The following SOX6 variants were observed in gnomAD, a reference collection of about 807,000 sequenced individuals.
SOX6 encodes the protein SRY-box transcription factor 6.
In SOX6, 11 loss-of-function variants were observed where a neutral mutation model predicts 97.8. The ratio of observed to expected loss-of-function variants is 0.11; its 90% confidence interval spans 0.07 to 0.19. The LOEUF (loss-of-function observed/expected upper bound fraction) is 0.19, where lower values mean the gene tolerates loss of function less well. Ranked by LOEUF, SOX6 falls within the 10% of genes least tolerant of loss-of-function variation. SOX6 has a pLI of 1.00. For missense variants in SOX6, 810 were observed against 1,039.5 expected (o/e 0.78, Z 3.04); for synonymous variants, 360 against 371.4 (o/e 0.97, Z 0.35).
At chr11:16,041,067 G>T (rs1329085394) in intron 12 of SOX6, among the ~76,000 whole-genome samples, 1 of 152,026 alleles carries the variant, frequency 6.6e-6, no homozygotes, top group Non-Finnish European at 1.5e-5. Context: ...TTGAGAATAG[G>T]TTGACATAGA....
At chr11:16,387,772 A>G (rs1254249902) in intron 1 of SOX6, among the ~76,000 whole-genome samples, 1 of 152,164 alleles carries the variant, frequency 6.6e-6, no homozygotes, top group African/African-American at 2.4e-5. Context: ...TTAATTTGTA[A>G]AAGTTGACTC....
intron 4 of SOX6, among the ~76,000 whole-genome samples, chr11:16,211,716 G>A (rs1436631831): frequency 1.3e-5 from 2 of 152,148 alleles, no homozygotes; most frequent in African/African-American, 2.4e-5. Flanking sequence ...CTCTTCTCCT[G>A]TTCTCCACAG....
At chr11:16,555,395 T>C (rs1423465395) in intron 4 of SOX6, among the ~76,000 whole-genome samples, 1 of 151,626 alleles carries the variant, frequency 6.6e-6, no homozygotes, top group Non-Finnish European at 1.5e-5. Context: ...AAGTGTTTCT[T>C]AAATAAAATA....
At chr11:16,451,504 G>C (rs1859714939) in intron 1 of SOX6, among the ~76,000 whole-genome samples, 1 of 152,106 alleles carries the variant, frequency 6.6e-6, no homozygotes, top group African/African-American at 2.4e-5. Context: ...CCACATTATG[G>C]AGTAATGTGT....
At chr11:16,381,058 T>C (rs1476807679) in intron 1 of SOX6, among the ~76,000 whole-genome samples, 2 of 152,004 alleles carry the variant, frequency 1.3e-5, no homozygotes, top group African/African-American at 2.4e-5. Flanking sequence ...TTGATACAAA[T>C]GTAAAGAATT....
intron 3 of SOX6, among the ~76,000 whole-genome samples, chr11:16,695,204 G>A: frequency 6.6e-6 from 1 of 152,068 alleles, no homozygotes; most frequent in East Asian, 1.9e-4. Flanking sequence ...TTTCATCAAT[G>A]GATATTATTT....
intron 2 of SOX6, 132 bp downstream of exon 2, chr11:16,340,880 T>C (rs1856607498): frequency 8.7e-6 from 11 of 1,259,008 alleles, no homozygotes; most frequent in East Asian, 2.5e-5. Context: ...CTTAGTAATA[T>C]GTACCTGGTA....
intron 1 of SOX6, among the ~76,000 whole-genome samples, chr11:16,351,115 CTGT>C (rs1262914506): frequency 6.6e-6 from 1 of 152,118 alleles, no homozygotes; most frequent in Non-Finnish European, 1.5e-5. Context: ...CCTCAAATGA[CTGT>C]TAAGTATTTA....
At chr11:16,100,453 T>C (rs1327379751) in intron 7 of SOX6, among the ~76,000 whole-genome samples, 1 of 151,758 alleles carries the variant, frequency 6.6e-6, no homozygotes, top group Non-Finnish European at 1.5e-5. Flanking sequence ...ACTGACAGTT[T>C]TTATCATAAG....
chr11:16,550,797 A>G (rs1190183533), intron 4 of SOX6, among the ~76,000 whole-genome samples: 5 of 152,220 alleles, frequency 3.3e-5, no homozygotes, highest in Non-Finnish European at 4.4e-5. Context: ...TGTGATGTTA[A>G]AGATATTTAT....
At chr11:16,540,545 A>G (rs1861390110) in intron 4 of SOX6, among the ~76,000 whole-genome samples, 1 of 152,228 alleles carries the variant, frequency 6.6e-6, no homozygotes, top group Non-Finnish European at 1.5e-5. Flanking sequence ...CCGTTTGCAC[A>G]TAACATGATT....
intron 1 of SOX6, among the ~76,000 whole-genome samples, chr11:16,448,607 ATG>A (rs1413298045): frequency 6.6e-6 from 1 of 152,214 alleles, no homozygotes; most frequent in Non-Finnish European, 1.5e-5. Context: ...AATAGATATA[ATG>A]TAATTAAACA....
intron 4 of SOX6, among the ~76,000 whole-genome samples, chr11:16,533,616 T>A (rs1190384366): frequency 6.6e-6 from 1 of 152,000 alleles, no homozygotes; most frequent in Non-Finnish European, 1.5e-5. Flanking sequence ...ATATGAAATT[T>A]TGTCTTCTGA....
chr11:16,311,020 C>T (rs1486222784), intron 3 of SOX6, among the ~76,000 whole-genome samples: 1 of 152,122 alleles, frequency 6.6e-6, no homozygotes, highest in Non-Finnish European at 1.5e-5. Flanking sequence ...TTACCAACCT[C>T]TCTCACTGAC....
chr11:16,239,129 T>C (rs180881867), intron 3 of SOX6, among the ~76,000 whole-genome samples: 2 of 152,176 alleles, frequency 1.3e-5, no homozygotes, highest in Admixed American at 1.3e-4. Flanking sequence ...TGGCAAGTGC[T>C]CCACAATACA....
intron 3 of SOX6, among the ~76,000 whole-genome samples, chr11:16,641,105 C>T (rs1848905379): frequency 2.0e-5 from 3 of 152,112 alleles, no homozygotes; most frequent in South Asian, 4.1e-4. Context: ...TTCTGGTATG[C>T]TGTGTCTTTG....
At chr11:16,378,341 A>C (rs1031081259) in intron 1 of SOX6, among the ~76,000 whole-genome samples, 1 of 152,128 alleles carries the variant, frequency 6.6e-6, no homozygotes, top group Admixed American at 6.6e-5. Flanking sequence ...GGGTAGGGGG[A>C]AAGACTTGAT....
chr11:16,738,210 A>C (rs1230693451), intron 1 of SOX6, among the ~76,000 whole-genome samples: 2 of 151,954 alleles, frequency 1.3e-5, no homozygotes, highest in Non-Finnish European at 2.9e-5. Flanking sequence ...GCAATAGAGA[A>C]CACCAGGGTG....
At chr11:16,295,492 C>T (rs371963604) in intron 3 of SOX6, among the ~76,000 whole-genome samples, 2 of 151,986 alleles carry the variant, frequency 1.3e-5, no homozygotes, top group Non-Finnish European at 2.9e-5. Flanking sequence ...TACCACCCCC[C>T]CTCATCTTTC....
Sources: allele counts gnomAD v4.1 joint callset (sites outside exome capture counted in the v4.1 genomes callset), GRCh38; gene constraint gnomAD v4.1.1; transcripts MANE v1.5; gene names NCBI Gene and HGNC (gene_info 2026-07-23, HGNC 2026-07-21).